Variants in PABPC4L observed in about 807,000 individuals in gnomAD.
The protein encoded by PABPC4L is poly(A) binding protein cytoplasmic 4 like, also known as polyadenylate-binding protein 4-like.
For synonymous variants in PABPC4L, 169 were observed against 164.1 expected, an observed-to-expected ratio of 1.03 and a Z score of -0.23; for missense variants, 452 against 451.4, an observed-to-expected ratio of 1.00 and a Z score of -0.01.
the PABPC4L span, among the ~76,000 whole-genome samples, chr4:134,136,903 ATAGT>A: frequency 6.6e-6 from 1 of 152,092 alleles, no homozygotes; most frequent in African/African-American, 2.4e-5. Context: ...CCTCTGAGCT[ATAGT>A]TAGTTTGAGG....
the PABPC4L span, among the ~76,000 whole-genome samples, chr4:134,128,248 T>C: frequency 1.3e-5 from 2 of 152,130 alleles, no homozygotes; most frequent in Non-Finnish European, 2.9e-5. Context: ...GAGGGAATAA[T>C]TGTGGAAGCC....
the PABPC4L span, among the ~76,000 whole-genome samples, chr4:134,062,307 G>T: frequency 2.0e-5 from 3 of 151,784 alleles, no homozygotes; most frequent in African/African-American, 4.8e-5. Flanking sequence ...AGACTCGCAG[G>T]TCAGTATATT....
the PABPC4L span, among the ~76,000 whole-genome samples, chr4:134,060,125 C>CT: frequency 7.2e-5 from 11 of 152,008 alleles, no homozygotes; most frequent in African/African-American, 2.7e-4. Context: ...CAGCTGAATC[C>CT]CACCCATGGA....
At chr4:134,131,829 T>C in the PABPC4L span, among the ~76,000 whole-genome samples, 1 of 150,400 alleles carries the variant, frequency 6.6e-6, no homozygotes, top group African/African-American at 2.4e-5. Context: ...TGTAAGGTTA[T>C]AGTCACCAAA....
At chr4:134,159,342 A>G in the PABPC4L span, among the ~76,000 whole-genome samples, 2 of 152,160 alleles carry the variant, frequency 1.3e-5, no homozygotes, top group Admixed American at 1.3e-4. Flanking sequence ...TAGGAACCAG[A>G]AACTCAGATG....
chr4:134,050,506 A>T, the PABPC4L span, among the ~76,000 whole-genome samples: 1 of 152,056 alleles, frequency 6.6e-6, no homozygotes, highest in Non-Finnish European at 1.5e-5. Context: ...GGAGTTCAAG[A>T]TCAGCCTGGC....
chr4:133,988,799 A>G, the PABPC4L span, among the ~76,000 whole-genome samples: 1 of 151,998 alleles, frequency 6.6e-6, no homozygotes, highest in African/African-American at 2.4e-5. Context: ...CTTCTGTACT[A>G]CCCTGGCAGA....
the PABPC4L span, among the ~76,000 whole-genome samples, chr4:133,962,337 G>A: frequency 2.0e-5 from 3 of 152,168 alleles, no homozygotes; most frequent in African/African-American, 7.2e-5. Flanking sequence ...GCTAATCAGG[G>A]AGACGCCAGA....
chr4:134,087,256 AAT>A, the PABPC4L span, among the ~76,000 whole-genome samples: 112 of 152,206 alleles, frequency 7.4e-4, no homozygotes, highest in Non-Finnish European at 1.0e-3. Context: ...AGCCATAAAA[AAT>A]GATGAGTTCA....
the PABPC4L span, among the ~76,000 whole-genome samples, chr4:134,189,526 TAC>T: frequency 0.013 from 1,927 of 152,156 alleles, 39 homozygotes; most frequent in African/African-American, 0.041. Context: ...TGTATATATA[TAC>T]AGTTTCTTTT....
At chr4:134,144,594 AAC>A in the PABPC4L span, among the ~76,000 whole-genome samples, 10 of 150,946 alleles carry the variant, frequency 6.6e-5, no homozygotes, top group Admixed American at 2.6e-4. Context: ...AAAAAAAAAA[AAC>A]AGTTCAGTCT....
At chr4:134,012,007 T>A in the PABPC4L span, among the ~76,000 whole-genome samples, 1 of 152,146 alleles carries the variant, frequency 6.6e-6, no homozygotes, top group African/African-American at 2.4e-5. Context: ...AATCTTTGTA[T>A]ATACTGTATT....
chr4:134,050,949 G>C, the PABPC4L span, among the ~76,000 whole-genome samples: 1 of 145,168 alleles, frequency 6.9e-6, no homozygotes, highest in Non-Finnish European at 1.5e-5. Context: ...GGTTGACATT[G>C]CTCTTCACCT....
the PABPC4L span, among the ~76,000 whole-genome samples, chr4:133,996,813 C>T: frequency 1.3e-5 from 2 of 152,178 alleles, no homozygotes; most frequent in East Asian, 1.9e-4. Flanking sequence ...TTATTTAGTA[C>T]AGATTTAATG....
chr4:133,998,503 GC>G, the PABPC4L span, among the ~76,000 whole-genome samples: 2 of 151,706 alleles, frequency 1.3e-5, no homozygotes, highest in African/African-American at 4.8e-5. Flanking sequence ...TTTATAATAA[GC>G]TTTGCTATTT....
the PABPC4L span, among the ~76,000 whole-genome samples, chr4:133,977,053 C>T: frequency 6.6e-6 from 1 of 152,044 alleles, no homozygotes; most frequent in South Asian, 2.1e-4. Context: ...TTGGGTTTTA[C>T]ATTTAAGTAT....
chr4:133,963,337 A>G, the PABPC4L span, among the ~76,000 whole-genome samples: 10 of 152,198 alleles, frequency 6.6e-5, no homozygotes, highest in Admixed American at 6.5e-4. Flanking sequence ...TCCCAAATTT[A>G]TAAAACAATT....
At chr4:134,189,796 T>A in the PABPC4L span, among the ~76,000 whole-genome samples, 1 of 152,068 alleles carries the variant, frequency 6.6e-6, no homozygotes, top group East Asian at 1.9e-4. Flanking sequence ...TTCCTTCGTA[T>A]GGAATAACTA....
chr4:134,170,052 G>A, the PABPC4L span, among the ~76,000 whole-genome samples: 1 of 152,110 alleles, frequency 6.6e-6, no homozygotes, highest in East Asian at 1.9e-4. Flanking sequence ...CCACACTCAA[G>A]TAGACCTGTG....
Sources: gnomAD v4.1 joint callset for allele counts (sites outside exome capture counted in the v4.1 genomes callset) on GRCh38, gnomAD v4.1.1 for gene constraint, MANE v1.5 for transcripts, NCBI Gene and HGNC (gene_info 2026-07-23, HGNC 2026-07-21) for gene names.